RP1: variants seen among roughly 807,000 people sequenced by gnomAD.
The protein encoded by RP1 is oxygen-regulated protein 1.
RP1 carries 16 observed loss-of-function variants against 14.8 expected under a neutral mutation model. The observed-to-expected ratio is 1.08, with a 90% CI of 0.73 to 1.65. RP1 has a LOEUF of 1.65. Among genes scored for constraint, RP1 ranks in the 40% most tolerant of loss-of-function variants. The pLI, the probability that RP1 is intolerant of heterozygous loss-of-function variation, is 0.00. For missense variants in RP1, 2,631 were observed against 2,535.0 expected (o/e 1.04, Z -0.81); for synonymous variants, 876 against 883.6 (o/e 0.99, Z 0.15).
rs1468536018 is a variant in RP1 at position 54,597,958 on chromosome 8, T to C, written c.-12-22997T>C. On this transcript the variant is annotated intron_variant, in intron 1 of 22. Coordinates refer to the RP1 transcript ENST00000636932. ...CACCACCACAAGAAAGATGCAGAAT[T>C]GTTTGATTTCATAAAGATCTTGCTT... 2.6e-5 allele frequency among the ~76,000 whole-genome samples: 4 copies of C among 152,116 alleles called. No individual in the cohort carries two copies. In the East Asian group the frequency reaches 7.7e-4, roughly 29 times the overall value.
chr8:54,642,962 G>A (rs1806478785), intron 3 of RP1, among the ~76,000 whole-genome samples: 1 of 151,940 alleles, frequency 6.6e-6, no homozygotes, highest in Admixed American at 6.6e-5. Flanking sequence ...AAGGGAGGTT[G>A]AGCATATTTT....
chr8:54,601,596 T>TAA (rs1805295510), intron 1 of RP1, among the ~76,000 whole-genome samples: 1 of 109,670 alleles, frequency 9.1e-6, no homozygotes, highest in African/African-American at 3.8e-5. Flanking sequence ...ATAAAAAACT[T>TAA]AGAAAAAAAA....
exon 13 of RP1, chr8:54,699,482 T>C: frequency 7.3e-7 from 1 of 1,377,644 alleles, no homozygotes; most frequent in Non-Finnish European, 9.5e-7. Flanking sequence ...TTTGATGTTA[T>C]TTTCAACAAA....
upstream of RP1, among the ~76,000 whole-genome samples, chr8:54,611,884 T>TCC (rs1563325345): frequency 6.7e-5 from 7 of 104,050 alleles, no homozygotes; most frequent in African/African-American, 2.7e-4. Flanking sequence ...TCCCTCCCTC[T>TCC]CTCCCTTCCT....
chr8:54,597,297 T>C (rs1411833654), intron 1 of RP1, among the ~76,000 whole-genome samples: 2 of 152,216 alleles, frequency 1.3e-5, no homozygotes, highest in African/African-American at 2.4e-5. Context: ...ACATACTTCC[T>C]ATAGTTGTTA....
intron 24 of RP1, among the ~76,000 whole-genome samples, chr8:54,813,323 C>G (rs1811059571): frequency 6.6e-6 from 1 of 152,154 alleles, no homozygotes; most frequent in Admixed American, 6.5e-5. Flanking sequence ...TCTTGGGGGA[C>G]AGAGTTCATT....
At position 54,853,808 on chromosome 8, in the gene RP1, GAGAA is replaced by G. The variant is rs1292808643; in HGVS notation, c.3990+1083_3990+1086del. On this transcript the variant is annotated intron_variant, in intron 26 of 28. Transcript: ENST00000637698. ...AGAAAGAAAGAGAGAGAGAAAGAAA[GAGAA>G]AGGAAGGAAGAGAAACAAAGAGAGA... 2.1e-4 allele frequency among the ~76,000 whole-genome samples: 29 copies of G among 140,134 alleles called. 1 individual carries two copies. Among genetic ancestry groups the G allele is most frequent in the African/African-American group, 7.3e-4 (27 of 36,862 alleles). The allele number at this position is 140,134 out of a possible 152,430, so 91.9% of individuals were successfully genotyped here.
intron 25 of RP1, among the ~76,000 whole-genome samples, chr8:54,838,633 G>A (rs1264315041): frequency 2.6e-5 from 4 of 152,190 alleles, no homozygotes; most frequent in African/African-American, 9.7e-5. Context: ...GTGTGTGCAT[G>A]CATGTGACAC....
chr8:54,804,963 T>C (rs1226025384), intron 24 of RP1, among the ~76,000 whole-genome samples: 1 of 152,220 alleles, frequency 6.6e-6, no homozygotes, highest in Non-Finnish European at 1.5e-5. Flanking sequence ...TAAATATGGG[T>C]GTAGCTTTCA....
intron 1 of RP1, among the ~76,000 whole-genome samples, chr8:54,585,252 A>C (rs540655358): frequency 6.6e-6 from 1 of 152,168 alleles, no homozygotes; most frequent in Non-Finnish European, 1.5e-5. Context: ...TCCTTCACTT[A>C]CGAAGCTTAG....
At chr8:54,851,741 CT>C (rs1162243433) in intron 25 of RP1, among the ~76,000 whole-genome samples, 1 of 152,158 alleles carries the variant, frequency 6.6e-6, no homozygotes, top group Non-Finnish European at 1.5e-5. Flanking sequence ...CCACATTTGT[CT>C]TTATAAAGGT....
intron 24 of RP1, among the ~76,000 whole-genome samples, chr8:54,798,130 C>T (rs1810618680): frequency 6.6e-6 from 1 of 152,122 alleles, no homozygotes; most frequent in African/African-American, 2.4e-5. Flanking sequence ...TCTCATGCCT[C>T]AGCCTCCTGA....
rs189138895 is a variant in RP1, at chr8:54,603,069, T to C, written c.-12-17886T>C. ...AGATCCCATTTGTCAATTTTTGTTT[T>C]TGTTGCCATTGCTTTTGATGTTTTA... On this transcript the variant is annotated intron_variant, in intron 1 of 22. Transcript: ENST00000636932. 4.8e-3 allele frequency among the ~76,000 whole-genome samples: 736 copies of C among 152,334 alleles called. 6 individuals carry two copies. The highest frequency in any genetic ancestry group is 5.2e-3 in the Non-Finnish European group (355 of 68,032).
chr8:54,832,160 A>G (rs1049140110), intron 24 of RP1, among the ~76,000 whole-genome samples: 6 of 151,480 alleles, frequency 4.0e-5, no homozygotes, highest in African/African-American at 1.5e-4. Flanking sequence ...ATTCACTATG[A>G]TTGCTTTTTC....
chr8:54,804,729 T>C (rs1317047208), intron 24 of RP1, among the ~76,000 whole-genome samples: 1 of 152,202 alleles, frequency 6.6e-6, no homozygotes, highest in Non-Finnish European at 1.5e-5. Flanking sequence ...ACAGCACTCA[T>C]GTGAAACAAA....
intron 25 of RP1, among the ~76,000 whole-genome samples, chr8:54,848,158 G>A (rs1256375816): frequency 5.3e-5 from 8 of 152,050 alleles, no homozygotes; most frequent in Non-Finnish European, 1.0e-4. Context: ...CAGATATCTG[G>A]TGCAGGCATC....
In RP1 at chr8:54,682,051, A is replaced by T. The variant is rs1415069061; in HGVS notation, c.1717+2118A>T. ...TAGTATGATTTATATTACTTTGGGT[A>T]TATACCCAGTAATGGGATTGCTGGG... On this transcript the variant is annotated intron_variant, in intron 12 of 22. Coordinates refer to the RP1 transcript ENST00000636932. Among the ~76,000 whole-genome samples the T allele has an allele frequency of 2.0e-5, 3 of 152,154 alleles. No individual in the cohort carries two copies. In the East Asian group the frequency reaches 5.9e-4, roughly 30 times the overall value.
At chr8:54,646,297 C>T (rs1423658386) in intron 3 of RP1, among the ~76,000 whole-genome samples, 4 of 151,784 alleles carry the variant, frequency 2.6e-5, no homozygotes, top group South Asian at 2.1e-4. Context: ...TCCTTCTCCT[C>T]CCCCTCCCCC....
In RP1 at chr8:54,559,753, C is replaced by T. The variant is rs148524453; in HGVS notation, c.-13+433C>T. On this transcript the variant is annotated intron_variant, in intron 1 of 22. Transcript: ENST00000636932. ...AGGTTTTCCGGAGGAGAGTGGGTCA[C>T]GTTCGGGCAGGACTGGCTGGAGGCA... Among the ~76,000 whole-genome samples the T allele has an allele frequency of 2.8e-3, 430 of 152,176 alleles. 2 individuals are homozygous for T. The highest frequency in any genetic ancestry group is 9.3e-3 in the African/African-American group (388 of 41,506).
Sources: gnomAD v4.1 joint callset for allele counts (sites outside exome capture counted in the v4.1 genomes callset) on GRCh38, gnomAD v4.1.1 for gene constraint, MANE v1.5 for transcripts, NCBI Gene and HGNC (gene_info 2026-07-23, HGNC 2026-07-21) for gene names.